Variants in GIGYF2 observed in about 807,000 individuals in gnomAD.
GIGYF2 encodes GRB10-interacting GYF protein 2.
Under a neutral mutation model 208.1 loss-of-function variants are expected in GIGYF2, and 25 were observed. The observed-to-expected ratio is 0.12, with a 90% confidence interval of 0.09 to 0.17. The LOEUF (loss-of-function observed/expected upper bound fraction) is 0.17, where lower values mean the gene tolerates loss of function less well. Ranked by LOEUF, GIGYF2 falls within the 10% of genes least tolerant of loss-of-function variation. The probability of loss-of-function intolerance (pLI) is 1.00; values close to 1 mark genes in which losing one functional copy is unlikely to be tolerated. For missense variants in GIGYF2, 1,302 were observed against 1,579.4 expected (o/e 0.82, Z 2.98); for synonymous variants, 534 against 543.8 (o/e 0.98, Z 0.25).
At chr2:232,756,131 T>TG in intron 5 of GIGYF2, 92 bp from the exon 6 acceptor site, 1 of 725,036 alleles carries the variant, frequency 1.4e-6, no homozygotes, top group Non-Finnish European at 2.3e-6. Flanking sequence ...AGTAGGAATG[T>TG]GGGGAGAAGC....
intron 2 of GIGYF2, among the ~76,000 whole-genome samples, chr2:232,708,259 A>T (rs1439144946): frequency 3.3e-5 from 5 of 152,086 alleles, no homozygotes; most frequent in African/African-American, 1.2e-4. Context: ...CATGTCCAGT[A>T]TTTGCACCTT....
intron 14 of GIGYF2, among the ~76,000 whole-genome samples, chr2:232,797,854 G>T (rs1392070650): frequency 6.6e-6 from 1 of 151,952 alleles, no homozygotes; most frequent in Admixed American, 6.6e-5. Context: ...GGTGGCATGT[G>T]CCTGTAGTCC....
chr2:232,858,844 A>C lies in GIGYF2; in HGVS notation c.*1984A>C. ...TGACCAAATATCTTTTCTCTTTTTG[A>C]CTCTCCCTTTCTGCTAACATGTGGA... On this transcript the variant is annotated 3_prime_UTR_variant, in exon 29 of 29. Transcript: ENST00000373563. 1.1e-5 allele frequency: 3 copies of C among 275,284 alleles called. No homozygotes were observed. Among genetic ancestry groups the C allele is most frequent in the East Asian group, 9.5e-5 (1 of 10,572 alleles). The allele number at this position is 275,284 out of a possible 1,614,324, so 17.1% of individuals were successfully genotyped here. A position where few individuals can be genotyped will look rare whatever the true frequency, so the allele number is the denominator to read the frequency against.
intron 2 of GIGYF2, among the ~76,000 whole-genome samples, chr2:232,721,333 C>T (rs1696935045): frequency 6.6e-6 from 1 of 152,178 alleles, no homozygotes; most frequent in Non-Finnish European, 1.5e-5. Flanking sequence ...TAAGGCTTTC[C>T]TCTTGAATTC....
chr2:232,836,411 A>AATATATATATATATATATAT (rs1438244685), intron 22 of GIGYF2, among the ~76,000 whole-genome samples: 5 of 116,532 alleles, frequency 4.3e-5, no homozygotes, highest in African/African-American at 1.5e-4. Context: ...TATATATATA[A>AATATATATATATATATATAT]ATAAATTATT....
chr2:232,734,259 C>A (rs1372340254), intron 2 of GIGYF2, among the ~76,000 whole-genome samples: 1 of 151,922 alleles, frequency 6.6e-6, no homozygotes, highest in African/African-American at 2.4e-5. Context: ...CAGGGTCTCA[C>A]TCCATCGTCT....
intron 14 of GIGYF2, among the ~76,000 whole-genome samples, chr2:232,804,108 A>T (rs557668402): frequency 1.3e-4 from 20 of 151,512 alleles, no homozygotes; most frequent in Middle Eastern, 3.4e-3. Context: ...TTTTAAAAAA[A>T]TTTTTTTTTA....
chr2:232,735,902 A>T, intron 3 of GIGYF2: 1 of 983,788 alleles, frequency 1.0e-6, no homozygotes, highest in Non-Finnish European at 1.2e-6. Context: ...ATCAATAATA[A>T]TAATTACTTT....
Position 232,804,381 on chromosome 2 carries a change from G to GTT in GIGYF2, c.1640-2094_1640-2093dup, listed in dbSNP as rs199519467. ...TGTAGATTTACATCTGAGCATCTCA[G>GTT]TTTTTTTTTTTTTTTTTCAGTGATA... On this transcript the variant is annotated intron_variant, in intron 14 of 28. Transcript: ENST00000373563. 3.7e-3 allele frequency among the ~76,000 whole-genome samples: 453 copies of GTT among 121,856 alleles called. 8 individuals carry two copies. Among genetic ancestry groups the GTT allele is most frequent in the South Asian group, 5.9e-3 (22 of 3,746 alleles). 79.9% of individuals were successfully genotyped at this position (121,856 alleles called of 152,430 possible).
At chr2:232,796,613 C>T (rs557804337) in intron 14 of GIGYF2, among the ~76,000 whole-genome samples, 1 of 152,288 alleles carries the variant, frequency 6.6e-6, no homozygotes, top group Non-Finnish European at 1.5e-5. Flanking sequence ...AATCCCAGCA[C>T]TTTGGGAAGC....
intron 27 of GIGYF2, among the ~76,000 whole-genome samples, chr2:232,848,140 C>CA (rs1359515489): frequency 6.6e-6 from 1 of 152,210 alleles, no homozygotes; most frequent in Non-Finnish European, 1.5e-5. Flanking sequence ...CAGATCAGTA[C>CA]ATAACCTTGT....
At chr2:232,704,214 A>G (rs1695981431) in intron 2 of GIGYF2, among the ~76,000 whole-genome samples, 1 of 152,222 alleles carries the variant, frequency 6.6e-6, no homozygotes, top group Admixed American at 6.5e-5. Context: ...TGACTATTCT[A>G]GGTGGACTCC....
intron 22 of GIGYF2, among the ~76,000 whole-genome samples, chr2:232,834,485 G>A (rs1701519805): frequency 6.6e-6 from 1 of 152,154 alleles, no homozygotes; most frequent in Non-Finnish European, 1.5e-5. Context: ...AACTGAGTCT[G>A]GCTTTCAGCA....
At chr2:232,719,819 A>G (rs1448164978) in intron 2 of GIGYF2, among the ~76,000 whole-genome samples, 2 of 152,208 alleles carry the variant, frequency 1.3e-5, no homozygotes, top group East Asian at 3.9e-4. Flanking sequence ...GTATTATTGC[A>G]TAAGGAATAT....
At chr2:232,699,853 A>G (rs999696872) in intron 1 of GIGYF2, among the ~76,000 whole-genome samples, 37 of 152,306 alleles carry the variant, frequency 2.4e-4, no homozygotes, top group Non-Finnish European at 5.1e-4. Context: ...ATTCATGTGT[A>G]TATCCTTCAC....
chr2:232,841,010 A>G (rs1438986101), intron 23 of GIGYF2, among the ~76,000 whole-genome samples: 1 of 152,022 alleles, frequency 6.6e-6, no homozygotes, highest in African/African-American at 2.4e-5. Context: ...GCTTGAAGTC[A>G]TCCAGTAAGA....
chr2:232,733,539 G>A (rs1328134960), intron 2 of GIGYF2, among the ~76,000 whole-genome samples: 3 of 152,136 alleles, frequency 2.0e-5, no homozygotes, highest in African/African-American at 7.2e-5. Flanking sequence ...TTAAACAGAG[G>A]CAACAGGGTG....
rs1275584422 is a variant in GIGYF2 at position 232,806,030 on chromosome 2, C to T, written c.1640-461C>T. 1.3e-5 allele frequency among the ~76,000 whole-genome samples: 2 copies of T among 151,970 alleles called. No individual in the cohort carries two copies. Among genetic ancestry groups the T allele is most frequent in the East Asian group, 3.9e-4 (2 of 5,188 alleles). Reference sequence around the variant, plus strand: ...GAGAATACTCGTTTTTTCCCCACTACCAAGATCAGAGAGCGAATTATAATT... The same window carrying T: ...GAGAATACTCGTTTTTTCCCCACTATCAAGATCAGAGAGCGAATTATAATT... On this transcript the variant is annotated intron_variant, in intron 14 of 28. Transcript: ENST00000373563. This position sits in a 1 kb window ranked among gnomAD's most constrained non-coding sequence, Gnocchi z 4.0.
intron 18 of GIGYF2, among the ~76,000 whole-genome samples, chr2:232,813,421 T>C (rs1700801133): frequency 6.6e-6 from 1 of 152,178 alleles, no homozygotes; most frequent in Admixed American, 6.5e-5. Context: ...TTGTGGCCAG[T>C]CTGGTCTCAA....
Sources: allele counts gnomAD v4.1 joint callset (sites outside exome capture counted in the v4.1 genomes callset), GRCh38; gene constraint gnomAD v4.1.1; non-coding constraint Gnocchi (gnomAD v3.1); transcripts MANE v1.5; gene names NCBI Gene and HGNC (gene_info 2026-07-23, HGNC 2026-07-21).